Variants in PPP2R2C observed in about 807,000 individuals in gnomAD.
PPP2R2C encodes protein phosphatase 2 regulatory subunit Bgamma.
A neutral mutation model predicts 45.3 loss-of-function variants in PPP2R2C; 10 were observed. The observed-to-expected ratio is 0.22, with a 90% CI of 0.14 to 0.37. The LOEUF is 0.37. PPP2R2C is among the 10% of genes least tolerant of loss of function. The pLI, the probability that PPP2R2C is intolerant of heterozygous loss-of-function variation, is 1.00. For missense variants in PPP2R2C, 308 were observed against 619.7 expected (o/e 0.50, Z 5.34); for synonymous variants, 257 against 245.4 (o/e 1.05, Z -0.44).
At chr4:6,533,849 GA>G (rs1724488125) in intron 2 of PPP2R2C, among the ~76,000 whole-genome samples, 1 of 152,076 alleles carries the variant, frequency 6.6e-6, no homozygotes, top group South Asian at 2.1e-4. Context: ...GCTGCTCGGT[GA>G]AAAGGTATGT....
intron 1 of PPP2R2C, among the ~76,000 whole-genome samples, chr4:6,405,028 A>G (rs1717700525): frequency 6.6e-6 from 1 of 152,226 alleles, no homozygotes; most frequent in Admixed American, 6.5e-5. Flanking sequence ...AAATGAGTGA[A>G]TAGACATAAG....
At chr4:6,419,143 CAAAG>C (rs1718798208) in intron 1 of PPP2R2C, among the ~76,000 whole-genome samples, 2 of 152,248 alleles carry the variant, frequency 1.3e-5, no homozygotes, top group South Asian at 2.1e-4. Flanking sequence ...ACAAAACAAA[CAAAG>C]AAAAATGTGC....
At chr4:6,520,628 G>A (rs1283393621) in intron 2 of PPP2R2C, among the ~76,000 whole-genome samples, 9 of 152,222 alleles carry the variant, frequency 5.9e-5, no homozygotes, top group Non-Finnish European at 1.3e-4. Context: ...CATGAGCTTC[G>A]CAGCTCCACA....
At chr4:6,514,044 C>A (rs5027682) in intron 2 of PPP2R2C, among the ~76,000 whole-genome samples, 28,366 of 152,126 alleles carry the variant, frequency 0.19, 3,337 homozygotes, top group Middle Eastern at 0.31. Context: ...CTGAAGAATA[C>A]AAAAGCAGAA....
intron 1 of PPP2R2C, among the ~76,000 whole-genome samples, chr4:6,560,043 C>G (rs1042819666): frequency 9.2e-5 from 14 of 152,224 alleles, no homozygotes; most frequent in Non-Finnish European, 1.3e-4. Context: ...ATTGACATGT[C>G]CCTTAAGGTG....
chr4:6,522,021 C>T (rs1724042032), intron 2 of PPP2R2C, among the ~76,000 whole-genome samples: 1 of 152,164 alleles, frequency 6.6e-6, no homozygotes, highest in South Asian at 2.1e-4. Flanking sequence ...GTGGGGGCCA[C>T]TGAGCTCTGG....
rs1282169453 is a variant in PPP2R2C at position 6,332,504 on chromosome 4, C to T, written c.960+1058G>A. ...TGTTCCTCTGGGGCCCAGGTCAGAT[C>T]AGAGCAGCCCACCCTCTGAGCTCTG... On this transcript the variant is annotated intron_variant, in intron 7 of 8. Transcript: ENST00000382599. The surrounding 1 kb of genome is among the most constrained non-coding windows in gnomAD (Gnocchi z 4.9). 6.6e-6 allele frequency among the ~76,000 whole-genome samples: 1 copy of T among 152,188 alleles called. No individual in the cohort carries two copies. The highest frequency in any genetic ancestry group is 1.9e-4 in the East Asian group (1 of 5,194).
chr4:6,445,667 T>C (rs1247883023), intron 1 of PPP2R2C, among the ~76,000 whole-genome samples: 1 of 152,238 alleles, frequency 6.6e-6, no homozygotes, highest in Non-Finnish European at 1.5e-5. Flanking sequence ...TGCAGTGAGC[T>C]ATGATGGCAC....
At chr4:6,542,904 A>C (rs1212582261) in intron 1 of PPP2R2C, among the ~76,000 whole-genome samples, 1 of 152,218 alleles carries the variant, frequency 6.6e-6, no homozygotes, top group Non-Finnish European at 1.5e-5. Context: ...CTCAGGATTC[A>C]TGTGCAGAAT....
intron 6 of PPP2R2C, among the ~76,000 whole-genome samples, chr4:6,335,608 T>C (rs1474804626): frequency 4.0e-5 from 6 of 151,024 alleles, no homozygotes; most frequent in Non-Finnish European, 8.9e-5. Flanking sequence ...GTCAAGGAGG[T>C]AGGGAGGGGC....
At chr4:6,460,084 T>C (rs1339630993) in intron 1 of PPP2R2C, among the ~76,000 whole-genome samples, 1 of 152,122 alleles carries the variant, frequency 6.6e-6, no homozygotes, top group Non-Finnish European at 1.5e-5. Flanking sequence ...TGGAACTCTT[T>C]AAAATACATA....
chr4:6,321,533 T>C lies in PPP2R2C; in HGVS notation c.*1769A>G, dbSNP rs577925041. 1 of 152,592 alleles carries C rather than the reference T, an allele frequency of 6.6e-6. No individual in the cohort carries two copies. The highest frequency in any genetic ancestry group is 6.5e-5 in the Admixed American group (1 of 15,312). The allele number at this position is 152,592 out of a possible 1,614,324, so 9.5% of individuals were successfully genotyped here. On this transcript the variant is annotated 3_prime_UTR_variant, in exon 9 of 9. Transcript: ENST00000382599. ...TCCATTTCCCTGTGTAAATGTTATATGGCCAGAAGTGAGTACACATGCACT... is the reference window on the plus strand; with the variant it reads ...TCCATTTCCCTGTGTAAATGTTATACGGCCAGAAGTGAGTACACATGCACT...
At chr4:6,382,351 C>T in intron 1 of PPP2R2C, 3 of 1,321,274 alleles carry the variant, frequency 2.3e-6, no homozygotes, top group Non-Finnish European at 3.0e-6. Flanking sequence ...TACTTTCAAA[C>T]CAGCCACAGA....
chr4:6,463,553 G>T lies in PPP2R2C; in HGVS notation c.70+8607C>A, dbSNP rs545516745. Reference sequence around the variant, plus strand: ...GCCCCCACTGTGCAAGGAGGGCAGTGCCTGTCCTGGGCAGCACAGGGGCCC... The same window carrying T: ...GCCCCCACTGTGCAAGGAGGGCAGTTCCTGTCCTGGGCAGCACAGGGGCCC... On this transcript the variant is annotated intron_variant, in intron 1 of 8. Coordinates refer to ENST00000382599, the MANE Select transcript of PPP2R2C (RefSeq NM_020416.4). Among the ~76,000 whole-genome samples the T allele has an allele frequency of 2.0e-5, 3 of 152,358 alleles. No individual in the cohort carries two copies. In the East Asian group the frequency reaches 5.8e-4, roughly 29 times the overall value.
intron 2 of PPP2R2C, among the ~76,000 whole-genome samples, chr4:6,527,109 C>A (rs1724232207): frequency 6.8e-6 from 1 of 146,884 alleles, no homozygotes; most frequent in Non-Finnish European, 1.5e-5. Flanking sequence ...TCCCAGGCAG[C>A]CTCAGCCACC....
intron 1 of PPP2R2C, among the ~76,000 whole-genome samples, chr4:6,554,974 A>AG (rs200215393): frequency 0.011 from 905 of 84,340 alleles, 5 homozygotes; most frequent in East Asian, 0.037. Flanking sequence ...AAAGAGAAAG[A>AG]AAGAAAAGAG....
At chr4:6,547,310 C>T (rs1725016504) in intron 1 of PPP2R2C, among the ~76,000 whole-genome samples, 1 of 151,848 alleles carries the variant, frequency 6.6e-6, no homozygotes, top group South Asian at 2.1e-4. Context: ...GCAACAATAG[C>T]TTCTTGGAAT....
chr4:6,432,074 T>G (rs1719653415), intron 1 of PPP2R2C, among the ~76,000 whole-genome samples: 1 of 152,208 alleles, frequency 6.6e-6, no homozygotes, highest in Non-Finnish European at 1.5e-5. Context: ...CGCATCACCT[T>G]AAGGCTTAAT....
At chr4:6,443,209 T>A (rs4312829) in intron 1 of PPP2R2C, among the ~76,000 whole-genome samples, 3,165 of 152,268 alleles carry the variant, frequency 0.021, 116 homozygotes, top group African/African-American at 0.071. Flanking sequence ...TCCAGGCAGG[T>A]GCCCGGCCGC....
Sources: gnomAD v4.1 joint callset for allele counts (sites outside exome capture counted in the v4.1 genomes callset) on GRCh38, gnomAD v4.1.1 for gene constraint, Gnocchi (gnomAD v3.1) non-coding constraint, MANE v1.5 for transcripts, NCBI Gene and HGNC (gene_info 2026-07-23, HGNC 2026-07-21) for gene names.